DPP8: variants seen among roughly 807,000 people sequenced by gnomAD.
DPP8 encodes the protein DPP VIII.
DPP8 carries 31 observed loss-of-function variants against 107.5 expected under a neutral mutation model. That is an observed-to-expected ratio of 0.29 (90% CI 0.22 to 0.39). DPP8 has a LOEUF of 0.39. DPP8 is among the 10% of genes least tolerant of loss of function. The probability of loss-of-function intolerance (pLI) is 1.00; values close to 1 mark genes in which losing one functional copy is unlikely to be tolerated. For synonymous variants in DPP8, 381 were observed against 356.6 expected, an observed-to-expected ratio of 1.07 and a Z score of -0.77; for missense variants, 842 against 1,076.1, an observed-to-expected ratio of 0.78 and a Z score of 3.04.
At chr15:65,485,246 T>C in intron 7 of DPP8, 86 bp from the exon 8 acceptor site, 1 of 1,065,156 alleles carries the variant, frequency 9.4e-7, no homozygotes, top group South Asian at 1.3e-5. Flanking sequence ...TACACTTTAG[T>C]TAAGAATAAC....
intron 3 of DPP8, among the ~76,000 whole-genome samples, chr15:65,505,679 A>C (rs1380209447): frequency 6.6e-6 from 1 of 151,738 alleles, no homozygotes; most frequent in Admixed American, 6.6e-5. Flanking sequence ...GGCCAGGTGC[A>C]GTGGCTCACA....
At chr15:65,447,031 T>C (rs772847873) in intron 19 of DPP8, 25 bp from the exon 20 acceptor site, 19 of 1,462,376 alleles carry the variant, frequency 1.3e-5, no homozygotes, top group Non-Finnish European at 1.6e-5. Context: ...AAAATAAAGA[T>C]ACAAAAAAAA....
chr15:65,480,365 G>T lies in DPP8; in HGVS notation c.1153C>A (p.Arg385Ser), dbSNP rs769345024. 3 of 1,613,140 alleles carry T rather than the reference G, an allele frequency of 1.9e-6. No homozygotes were observed. The highest frequency in any genetic ancestry group is 1.7e-6 in the Non-Finnish European group (2 of 1,179,710). Residue 385 changes from arginine to serine, a missense_variant, in exon 10 of 20, where the codon CGC becomes AGC. Physicochemically the swap from Arg to Ser is moderately radical, Grantham distance 110. Coordinates refer to ENST00000300141, the MANE Select transcript of DPP8 (RefSeq NM_130434.5). ...WSILLDRSQTRLQIVLISPEL... is the reference protein window; with the variant it reads ...WSILLDRSQTSLQIVLISPEL... ...GGTGAGATCAACACTATCTGTAGGC[G>T]AGTCTGGGAGCGATCTAGTAGGATG...
chr15:65,488,280 A>G (rs1596020933), intron 6 of DPP8, among the ~76,000 whole-genome samples: 4 of 152,148 alleles, frequency 2.6e-5, no homozygotes. Context: ...CAAATCCAAG[A>G]CATGGCTTAA....
Position 65,474,209 on chromosome 15 carries a change from A to G in DPP8, c.1536T>C (p.Asn512=), listed in dbSNP as rs1264826933. ...EWEVLGRHGS[N]IQVDEVRRLV... ...ATATCAGTAGAATAAAATAACATAC[A>G]TTAGATCCATGCCGGCCAAGAACTT... Residue 512 remains asparagine, a splice_region_variant and synonymous_variant, in exon 12 of 20, where the codon AAT becomes AAC. Coordinates refer to ENST00000300141, the MANE Select transcript of DPP8 (RefSeq NM_130434.5). The G allele has an allele frequency of 6.2e-7, 1 of 1,604,072 alleles. No homozygotes were observed. The highest frequency in any genetic ancestry group is 8.5e-7 in the Non-Finnish European group (1 of 1,171,048).
Position 65,490,301 on chromosome 15 carries a change from T to C in DPP8, c.716-2A>G. 3.1e-6 allele frequency: 5 copies of C among 1,589,932 alleles called. No homozygotes were observed. Among genetic ancestry groups the C allele is most frequent in the Non-Finnish European group, 4.3e-6 (5 of 1,158,784 alleles). ...CATCTTCTTCCATGTTGGCTAGCTC[T>C]AGACAAATATAAAAGGCAAAATTAT... On this transcript the variant is annotated splice_acceptor_variant, in intron 5 of 19. Transcript: ENST00000300141. LOFTEE classifies it high-confidence loss of function.
Position 65,486,388 on chromosome 15 carries a change from C to CA in DPP8, c.956-1229dup, listed in dbSNP as rs1236055821. On this transcript the variant is annotated intron_variant, in intron 7 of 19. Transcript: ENST00000300141. ...TTGCACTCCAGCCTGGGTGACAGAG[C>CA]AAAAAAAAAAACAAAAACAAAAAAC... Among the ~76,000 whole-genome samples, 183 of 133,604 alleles carry CA rather than the reference C, an allele frequency of 1.4e-3. 2 individuals carry two copies. In the South Asian group the frequency reaches 0.014, roughly 10 times the overall value. The allele number at this position is 133,604 out of a possible 152,430, so 87.6% of individuals were successfully genotyped here.
At chr15:65,484,563 G>A (rs1288196355) in intron 8 of DPP8, among the ~76,000 whole-genome samples, 2 of 151,586 alleles carry the variant, frequency 1.3e-5, no homozygotes. Flanking sequence ...GTCTAGAAGA[G>A]GAAGACTGAC....
intron 2 of DPP8, among the ~76,000 whole-genome samples, chr15:65,507,889 A>C (rs1362110271): frequency 1.3e-5 from 2 of 152,160 alleles, no homozygotes. Flanking sequence ...GAAACATTTA[A>C]AGTGCTTAAT....
At chr15:65,473,875 G>C (rs941751938) in intron 12 of DPP8, among the ~76,000 whole-genome samples, 1 of 152,114 alleles carries the variant, frequency 6.6e-6, no homozygotes, top group Non-Finnish European at 1.5e-5. Context: ...AGGCTGAGGA[G>C]GGCGAATCAC....
chr15:65,444,310 C>A lies in DPP8; in HGVS notation c.*2574G>T, dbSNP rs956004882. The A allele has an allele frequency of 6.6e-6, 1 of 152,208 alleles. No homozygotes were observed. The highest frequency in any genetic ancestry group is 2.4e-5 in the African/African-American group (1 of 41,456). The allele number at this position is 152,208 out of a possible 1,614,324, so 9.4% of individuals were successfully genotyped here. The stretch of plus-strand genomic sequence containing the variant: ...ATCTTAGATTTTGAGTTCCACTACT[C>A]TGTAATGCTCAAGTAACTATCCCTC... On this transcript the variant is annotated 3_prime_UTR_variant, in exon 20 of 20. Coordinates refer to ENST00000300141, the MANE Select transcript of DPP8 (RefSeq NM_130434.5).
chr15:65,487,635 A>T (rs2067572933), intron 7 of DPP8, 55 bp downstream of exon 7: 1 of 1,551,384 alleles, frequency 6.4e-7, no homozygotes. Flanking sequence ...CTACAGAAAG[A>T]ATCTTATTTG....
rs56047613 is a variant in DPP8 at position 65,499,070 on chromosome 15, AGTGTGTGTGT to A, written c.547-1048_547-1039del. On this transcript the variant is annotated intron_variant, in intron 4 of 19. Coordinates refer to ENST00000300141, the MANE Select transcript of DPP8 (RefSeq NM_130434.5). ...GACTTTGTCTCCCCCCCAAAAAAAA[AGTGTGTGTGT>A]GTGTGTGTGTGTGTGTGTGTGTGTG... Among the ~76,000 whole-genome samples the A allele has an allele frequency of 2.3e-4, 30 of 129,760 alleles. No homozygotes were observed. The South Asian group carries it at 3.5e-3, about 15-fold the overall frequency. The allele number at this position is 129,760 out of a possible 152,430, so 85.1% of individuals were successfully genotyped here.
chr15:65,510,730 G>A (rs910234389), intron 2 of DPP8, among the ~76,000 whole-genome samples: 8 of 152,076 alleles, frequency 5.3e-5, no homozygotes, highest in East Asian at 3.8e-4. Flanking sequence ...GTAGAGACGC[G>A]GTTTCACCAT....
At chr15:65,511,220 G>A (rs778384727) in intron 2 of DPP8, among the ~76,000 whole-genome samples, 4 of 152,086 alleles carry the variant, frequency 2.6e-5, no homozygotes, top group Admixed American at 6.6e-5. Flanking sequence ...CATTACTGGA[G>A]GTCTGGTTAA....
rs2063525792 is a variant in DPP8, at chr15:65,446,981, A to G, written c.2552T>C (p.Ile851Thr). 6.2e-7 allele frequency: 1 copy of G among 1,610,564 alleles called. No homozygotes were observed. Among genetic ancestry groups the G allele is most frequent in the Admixed American group, 1.7e-5 (1 of 59,718 alleles). Residue 851 changes from isoleucine to threonine, a missense_variant, in exon 20 of 20, where the codon ATA (isoleucine) becomes ACA (threonine). Physicochemically the swap from Ile to Thr is moderately conservative, Grantham distance 89. Coordinates refer to ENST00000300141, the MANE Select transcript of DPP8 (RefSeq NM_130434.5). ...LQIYPQERHS[I>T]RVPESGEHYE... ...ATGTTCTCCCGATTCAGGAACTCTTATGCTGTGTCTCTCCTGAGGATAGAT... is the reference window on the plus strand; with the variant it reads ...ATGTTCTCCCGATTCAGGAACTCTTGTGCTGTGTCTCTCCTGAGGATAGAT...
At chr15:65,490,101 C>T in intron 6 of DPP8, 88 bp downstream of exon 6, 2 of 603,368 alleles carry the variant, frequency 3.3e-6, no homozygotes, top group South Asian at 3.3e-5. Context: ...AATCTATTAT[C>T]CAAGATTTAG....
intron 2 of DPP8, among the ~76,000 whole-genome samples, chr15:65,509,221 G>A (rs2070449568): frequency 6.6e-6 from 1 of 152,096 alleles, no homozygotes; most frequent in African/African-American, 2.4e-5. Context: ...TCTTAAGACT[G>A]TGGTCACCTA....
chr15:65,486,178 T>C (rs352458), intron 7 of DPP8, among the ~76,000 whole-genome samples: 141,079 of 150,172 alleles, frequency 0.94, 66,244 homozygotes, highest in Admixed American at 0.96. Context: ...CTGAGGCAGG[T>C]AGATCACGAG....
Sources: gnomAD v4.1 joint callset for allele counts (sites outside exome capture counted in the v4.1 genomes callset) on GRCh38, gnomAD v4.1.1 for gene constraint, MANE v1.5 for transcripts, NCBI Gene and HGNC (gene_info 2026-07-23, HGNC 2026-07-21) for gene names.